Variants in LRRC69 observed in about 807,000 individuals in gnomAD.
LRRC69 encodes leucine rich repeat containing 69, also known as leucine-rich repeat-containing protein 69.
LRRC69 carries 42 observed loss-of-function variants against 37.8 expected under a neutral mutation model. That is an observed-to-expected ratio of 1.11 (90% CI 0.87 to 1.44). The LOEUF (loss-of-function observed/expected upper bound fraction) is 1.44, where lower values mean the gene tolerates loss of function less well. Ranked by LOEUF, LRRC69 falls within the 40% of genes most tolerant of loss-of-function variation. The probability of loss-of-function intolerance (pLI) is 0.00; values close to 1 mark genes in which losing one functional copy is unlikely to be tolerated. For synonymous variants in LRRC69, 141 were observed against 143.1 expected, an observed-to-expected ratio of 0.99 and a Z score of 0.11; for missense variants, 357 against 401.9, an observed-to-expected ratio of 0.89 and a Z score of 0.96.
intron 5 of LRRC69, among the ~76,000 whole-genome samples, chr8:91,166,304 A>T (rs901497879): frequency 2.6e-5 from 4 of 151,506 alleles, no homozygotes; most frequent in African/African-American, 4.8e-5. Flanking sequence ...CCTCATACAC[A>T]CTATTACAGT....
At chr8:91,151,064 G>GT (rs1172495480) in intron 5 of LRRC69, among the ~76,000 whole-genome samples, 6 of 150,890 alleles carry the variant, frequency 4.0e-5, no homozygotes, top group South Asian at 4.2e-4. Flanking sequence ...TTTTTGAAGG[G>GT]TTTTTTGTGT....
At chr8:91,124,833 C>T (rs1244704213) in intron 2 of LRRC69, 4 of 409,636 alleles carry the variant, frequency 9.8e-6, no homozygotes, top group African/African-American at 2.1e-5. Flanking sequence ...AATAAGTAAG[C>T]ATCAGTGTTA....
chr8:91,145,999 C>A (rs918533224), intron 5 of LRRC69, among the ~76,000 whole-genome samples: 4 of 151,802 alleles, frequency 2.6e-5, no homozygotes, highest in African/African-American at 9.7e-5. Flanking sequence ...TTAGGGAATA[C>A]AACTATCTTT....
intron 3 of LRRC69, chr8:91,130,738 C>T (rs1247542482): frequency 6.6e-6 from 1 of 152,022 alleles, no homozygotes; most frequent in South Asian, 2.1e-4. Flanking sequence ...TGTTTAATTT[C>T]ATTTTCATTT....
chr8:91,155,904 T>C (rs1808826620), intron 5 of LRRC69, among the ~76,000 whole-genome samples: 1 of 149,502 alleles, frequency 6.7e-6, no homozygotes, highest in African/African-American at 2.4e-5. Flanking sequence ...ATATACAACA[T>C]ATATATATAC....
intron 6 of LRRC69, among the ~76,000 whole-genome samples, chr8:91,195,132 G>A (rs1175882945): frequency 3.3e-5 from 5 of 152,278 alleles, no homozygotes; most frequent in Non-Finnish European, 7.4e-5. Context: ...AGGTTGTTCA[G>A]TTTCCATGTA....
intron 6 of LRRC69, among the ~76,000 whole-genome samples, chr8:91,194,458 C>T: frequency 1.3e-5 from 2 of 151,872 alleles, no homozygotes; most frequent in African/African-American, 4.9e-5. Flanking sequence ...TAGAATTCGG[C>T]TGTGAATCCA....
At chr8:91,104,029 T>G (rs753895012) in intron 1 of LRRC69, among the ~76,000 whole-genome samples, 8 of 152,028 alleles carry the variant, frequency 5.3e-5, no homozygotes, top group Non-Finnish European at 7.4e-5. Flanking sequence ...ATATAACCAC[T>G]TTTAACTCAT....
At chr8:91,149,483 T>C (rs1397853099) in intron 5 of LRRC69, among the ~76,000 whole-genome samples, 2 of 152,052 alleles carry the variant, frequency 1.3e-5, no homozygotes, top group African/African-American at 4.8e-5. Flanking sequence ...TTTTGGTTAC[T>C]GTAGCCTTGT....
At chr8:91,106,877 C>T (rs1813322968) in intron 1 of LRRC69, among the ~76,000 whole-genome samples, 2 of 151,730 alleles carry the variant, frequency 1.3e-5, no homozygotes, top group Admixed American at 6.6e-5. Context: ...ACTGCAGGCT[C>T]GAACTCCTGT....
At chr8:91,121,711 C>A (rs896850588) in intron 1 of LRRC69, among the ~76,000 whole-genome samples, 2 of 152,052 alleles carry the variant, frequency 1.3e-5, no homozygotes, top group Non-Finnish European at 2.9e-5. Context: ...TGCTTTCTTA[C>A]TGTGTAAGTG....
chr8:91,104,366 A>G (rs914714842), intron 1 of LRRC69, among the ~76,000 whole-genome samples: 2 of 151,926 alleles, frequency 1.3e-5, no homozygotes, highest in South Asian at 2.1e-4. Flanking sequence ...ATAATTAAAT[A>G]TTTGTTTTGT....
intron 1 of LRRC69, among the ~76,000 whole-genome samples, chr8:91,113,595 A>T (rs1035868583): frequency 3.3e-5 from 5 of 152,042 alleles, no homozygotes; most frequent in Non-Finnish European, 5.9e-5. Flanking sequence ...GTAACACTTG[A>T]AACTGTGAAA....
At chr8:91,197,639 G>A (rs1809636118) in intron 6 of LRRC69, among the ~76,000 whole-genome samples, 1 of 152,134 alleles carries the variant, frequency 6.6e-6, no homozygotes, top group African/African-American at 2.4e-5. Flanking sequence ...TCTTTGACTA[G>A]GAAAGGGAAC....
At chr8:91,115,198 A>T (rs552110037) in intron 1 of LRRC69, among the ~76,000 whole-genome samples, 107 of 152,004 alleles carry the variant, frequency 7.0e-4, no homozygotes, top group African/African-American at 2.0e-3. Context: ...AAGTGTTCTG[A>T]TCATACATAC....
intron 7 of LRRC69, among the ~76,000 whole-genome samples, chr8:91,216,692 C>A (rs1472409544): frequency 6.6e-6 from 1 of 152,090 alleles, no homozygotes; most frequent in Non-Finnish European, 1.5e-5. Flanking sequence ...TCTCCAACCA[C>A]AATTTCATCA....
chr8:91,113,257 A>T (rs1422468388), intron 1 of LRRC69, among the ~76,000 whole-genome samples: 1 of 152,036 alleles, frequency 6.6e-6, no homozygotes, highest in African/African-American at 2.4e-5. Flanking sequence ...TGAATAGCCA[A>T]AACAATATTG....
chr8:91,216,809 T>A (rs535043702), intron 7 of LRRC69, among the ~76,000 whole-genome samples: 25 of 152,264 alleles, frequency 1.6e-4, no homozygotes, highest in Non-Finnish European at 3.4e-4. Flanking sequence ...TCTTTTTATT[T>A]CTGGACTAAT....
At chr8:91,205,908 A>T (rs1008148957) in intron 7 of LRRC69, among the ~76,000 whole-genome samples, 1 of 152,182 alleles carries the variant, frequency 6.6e-6, no homozygotes, top group African/African-American at 2.4e-5. Flanking sequence ...CAATACCTTG[A>T]TGCTCTTGCT....
Sources: gnomAD v4.1 joint callset for allele counts (sites outside exome capture counted in the v4.1 genomes callset) on GRCh38, gnomAD v4.1.1 for gene constraint, MANE v1.5 for transcripts, NCBI Gene and HGNC (gene_info 2026-07-23, HGNC 2026-07-21) for gene names.